The following SZT2 variants were observed in gnomAD, a reference collection of about 807,000 sequenced individuals.
SZT2 encodes the protein SZT2 subunit of KICSTOR complex, also known as KICSTOR complex protein SZT2.
A neutral mutation model predicts 404.2 loss-of-function variants in SZT2; 216 were observed. The observed-to-expected ratio is 0.53, with a 90% CI of 0.48 to 0.60. The LOEUF (loss-of-function observed/expected upper bound fraction) is 0.60, where lower values mean the gene tolerates loss of function less well. Among genes scored for constraint, SZT2 ranks in the 20% least tolerant of loss-of-function variants. The probability of loss-of-function intolerance (pLI) is 0.00; values close to 1 mark genes in which losing one functional copy is unlikely to be tolerated. For missense variants in SZT2, 3,857 were observed against 4,459.2 expected, an observed-to-expected ratio of 0.86 and a Z score of 3.85; for synonymous variants, 1,693 against 1,749.9, an observed-to-expected ratio of 0.97 and a Z score of 0.81.
In SZT2 at chr1:43,424,370, G is replaced by T. The variant is rs180810470; in HGVS notation, c.2409G>T (p.Pro803=). 13 of 1,598,078 alleles carry T rather than the reference G, an allele frequency of 8.1e-6. No homozygotes were observed. The South Asian group carries it at 1.4e-4, about 18-fold the overall frequency. ...ATCAGCGCTGGCTTTGGAGTGTCCC[G>T]TCAGGACTGGCCCCTGCGCTGCCTC... ...LYHQRWLWSV[P]SGLAPALPLS... Residue 803 remains proline (P), a synonymous_variant, in exon 16 of 72, where the codon CCG becomes CCT. Coordinates refer to ENST00000634258, the MANE Select transcript of SZT2 (RefSeq NM_001365999.1). This position sits in a 1 kb window ranked among gnomAD's most constrained non-coding sequence, Gnocchi z 4.1.
intron 59 of SZT2, 49 bp from the exon 60 acceptor site, chr1:43,443,139 G>C: frequency 6.2e-7 from 1 of 1,613,616 alleles, no homozygotes; most frequent in Non-Finnish European, 8.5e-7. Flanking sequence ...AGTCTGGGAG[G>C]AAGGGAGTGA....
rs765361628 is a variant in SZT2, at chr1:43,424,401, G to A, written c.2440G>A (p.Ala814Thr). 1 of 1,597,964 alleles carries A rather than the reference G, an allele frequency of 6.3e-7. No homozygotes were observed. The highest frequency in any genetic ancestry group is 8.5e-7 in the Non-Finnish European group (1 of 1,179,586). Residue 814 changes from alanine (A) to threonine (T), a missense_variant, in exon 16 of 72, where the codon GCC becomes ACC. Transcript: ENST00000634258. The surrounding 1 kb of genome is among the most constrained non-coding windows in gnomAD (Gnocchi z 4.1). Reference sequence around the variant, plus strand: ...ACTGGCCCCTGCGCTGCCTCTCAGTGCCATTGCCCAGCTCCTCTCCATCCT... The same window carrying A: ...ACTGGCCCCTGCGCTGCCTCTCAGTACCATTGCCCAGCTCCTCTCCATCCT... ...SGLAPALPLS[A>T]IAQLLSILTE...
chr1:43,451,536 G>C lies in SZT2; in HGVS notation c.*1056G>C, dbSNP rs1436176772. 6.2e-7 allele frequency: 1 copy of C among 1,614,020 alleles called. No individual in the cohort carries two copies. Among genetic ancestry groups the C allele is most frequent in the East Asian group, 2.2e-5 (1 of 44,860 alleles). On this transcript the variant is annotated 3_prime_UTR_variant, in exon 72 of 72. Transcript: ENST00000634258. ...CCTCGGCCTGGGACCTGTGCCACCT[G>C]CACATGCCCTGGGGACAGATGTGGA...
In SZT2 at chr1:43,425,587, G is replaced by GCCC. The variant is rs1653045845; in HGVS notation, c.2760_2762dup (p.Pro921dup). ...CCACAGTATGGGCGAGTGGGACCTG[G>GCCC]CCCTGGAATCTGGAAGCACCTCCAG... On this transcript the variant is annotated inframe_insertion, in exon 19 of 72. Coordinates refer to ENST00000634258, the MANE Select transcript of SZT2 (RefSeq NM_001365999.1). The surrounding 1 kb of genome is among the most constrained non-coding windows in gnomAD (Gnocchi z 4.3). 1.9e-6 allele frequency: 3 copies of GCCC among 1,614,164 alleles called. No individual in the cohort carries two copies. In the East Asian group the frequency reaches 6.7e-5, roughly 36 times the overall value.
At chr1:43,443,130 G>A (rs1252954476) in intron 59 of SZT2, 44 bp downstream of exon 59, 1 of 1,613,344 alleles carries the variant, frequency 6.2e-7, no homozygotes. Flanking sequence ...AATCTGTGGA[G>A]TCTGGGAGGA....
At position 43,451,844 on chromosome 1, in the gene SZT2, G is replaced by C. The variant is rs555956271; in HGVS notation, c.*1364G>C. 2 of 1,614,044 alleles carry C rather than the reference G, an allele frequency of 1.2e-6. No homozygotes were observed. The highest frequency in any genetic ancestry group is 4.5e-5 in the East Asian group (2 of 44,870). On this transcript the variant is annotated 3_prime_UTR_variant, in exon 72 of 72. Coordinates refer to ENST00000634258, the MANE Select transcript of SZT2 (RefSeq NM_001365999.1). ...TCTTCCTACCTTCTGTAAGATGGCTGCCGCTGTAAGAGAAGCCAGGGAGGG... is the reference window on the plus strand; with the variant it reads ...TCTTCCTACCTTCTGTAAGATGGCTCCCGCTGTAAGAGAAGCCAGGGAGGG...
Position 43,443,787 on chromosome 1 carries a change from C to T in SZT2, c.8816C>T (p.Pro2939Leu). The change falls in exon 62 of 72, where the codon CCC becomes CTC. Residue 2939 changes from proline (P) to leucine (L), a missense_variant. Coordinates refer to ENST00000634258, the MANE Select transcript of SZT2 (RefSeq NM_001365999.1). ...CTGGTACCACTGCGGCCCCCCTCAC[C>T]CGCCCGCAGGTGAGCCCGTCCCTGT... ...FVLVPLRPPS[P>L]ARSTSRPRAM... is the part of the protein sequence containing the mutation. 1 of 1,613,518 alleles carries T rather than the reference C, an allele frequency of 6.2e-7. No homozygotes were observed. Among genetic ancestry groups the T allele is most frequent in the Non-Finnish European group, 8.5e-7 (1 of 1,180,032 alleles).
chr1:43,435,412 CAGAGT>C, intron 42 of SZT2, 83 bp downstream of exon 42: 5 of 1,504,332 alleles, frequency 3.3e-6, no homozygotes, highest in South Asian at 1.2e-5. Flanking sequence ...AAGCTGAGGG[CAGAGT>C]CCTCATTACT....
Position 43,454,062 on chromosome 1 carries a change from G to A in SZT2, c.*3582G>A, listed in dbSNP as rs922870242. 5.3e-6 allele frequency: 6 copies of A among 1,131,188 alleles called. No homozygotes were observed. In the South Asian group the frequency reaches 1.8e-4, roughly 33 times the overall value. 70.1% of individuals were successfully genotyped at this position (1,131,188 alleles called of 1,614,324 possible). A position where few individuals can be genotyped will look rare whatever the true frequency, so the allele number is the denominator to read the frequency against. Reference sequence around the variant, plus strand: ...ACCCGCGCCTGGAGAAGGTAGGGAGGCCGAGCTCCAGGGCCTGAGAGCCGG... The same window carrying A: ...ACCCGCGCCTGGAGAAGGTAGGGAGACCGAGCTCCAGGGCCTGAGAGCCGG... On this transcript the variant is annotated 3_prime_UTR_variant, in exon 72 of 72. Transcript: ENST00000634258.
rs1292173976 is a variant in SZT2 at position 43,453,564 on chromosome 1, G to T, written c.*3084G>T. On this transcript the variant is annotated 3_prime_UTR_variant, in exon 72 of 72. Transcript: ENST00000634258. Reference sequence around the variant, plus strand: ...CCTGCCCGCGCCCCGGCACCCCCCAGCCCTCCCAGCCCTCCCGGCCCGCGA... The same window carrying T: ...CCTGCCCGCGCCCCGGCACCCCCCATCCCTCCCAGCCCTCCCGGCCCGCGA... The T allele has an allele frequency of 1.3e-6, 2 of 1,512,458 alleles. No homozygotes were observed. The highest frequency in any genetic ancestry group is 1.8e-6 in the Non-Finnish European group (2 of 1,126,206). The allele number at this position is 1,512,458 out of a possible 1,614,324, so 93.7% of individuals were successfully genotyped here. A position where few individuals can be genotyped will look rare whatever the true frequency, so the allele number is the denominator to read the frequency against.
At chr1:43,430,875 T>G in intron 32 of SZT2, 74 bp from the exon 33 acceptor site, 1 of 1,583,654 alleles carries the variant, frequency 6.3e-7, no homozygotes, top group South Asian at 1.2e-5. Flanking sequence ...GGGTTATGTC[T>G]TTTAACACAT....
Position 43,454,123 on chromosome 1 carries a change from C to G in SZT2, c.*3643C>G. The G allele has an allele frequency of 1.1e-6, 1 of 887,626 alleles. No homozygotes were observed. Among genetic ancestry groups the G allele is most frequent in the Non-Finnish European group, 1.4e-6 (1 of 720,072 alleles). The allele number at this position is 887,626 out of a possible 1,614,324, so 55.0% of individuals were successfully genotyped here. ...AGAGAGAGCTGGCTGCCCGAGGGCC[C>G]GGTTGCAATGATGGGACGCGCACTT... On this transcript the variant is annotated 3_prime_UTR_variant, in exon 72 of 72. Coordinates refer to ENST00000634258, the MANE Select transcript of SZT2 (RefSeq NM_001365999.1).
chr1:43,403,846 G>A, intron 3 of SZT2, 72 bp downstream of exon 3: 1 of 1,545,140 alleles, frequency 6.5e-7, no homozygotes, highest in South Asian at 1.1e-5. Flanking sequence ...GGCCTGTGGG[G>A]AAGTGAAAAA....
At position 43,423,308 on chromosome 1, in the gene SZT2, G is replaced by A; in HGVS notation, c.2247G>A (p.Leu749=). The A allele has an allele frequency of 1.3e-6, 2 of 1,539,226 alleles. No homozygotes were observed. Among genetic ancestry groups the A allele is most frequent in the Non-Finnish European group, 1.7e-6 (2 of 1,151,606 alleles). The change falls in exon 15 of 72, where the codon CTG becomes CTA. Residue 749 remains leucine (L), a synonymous_variant. Transcript: ENST00000634258. ...TCCTGCATAAGCCACTGGACAAACT[G>A]CTCATCAGGTTGGTACAGAGGTGTG... ...LVVLHKPLDK[L]LIRYEKLPLD...
chr1:43,453,294 C>A lies in SZT2; in HGVS notation c.*2814C>A. ...GCAGAGATAAACCAGTGGGCTCAGA[C>A]TTCTGAGCGTCTCAGATCTGGCGTC... On this transcript the variant is annotated 3_prime_UTR_variant, in exon 72 of 72. Transcript: ENST00000634258. The A allele has an allele frequency of 2.4e-6, 2 of 832,712 alleles. No homozygotes were observed. Among genetic ancestry groups the A allele is most frequent in the South Asian group, 1.7e-5 (1 of 58,754 alleles). 51.6% of individuals were successfully genotyped at this position (832,712 alleles called of 1,614,324 possible). A position where few individuals can be genotyped will look rare whatever the true frequency, so the allele number is the denominator to read the frequency against.
chr1:43,426,697 T>C lies in SZT2; in HGVS notation c.3215-18T>C. On this transcript the variant is annotated intron_variant, in intron 22 of 71. Coordinates refer to ENST00000634258, the MANE Select transcript of SZT2 (RefSeq NM_001365999.1). This position sits in a 1 kb window ranked among gnomAD's most constrained non-coding sequence, Gnocchi z 4.9. The stretch of plus-strand genomic sequence containing the variant: ...TGCTGGCCCTGCCCTCTTTCACCCA[T>C]CTCTACCCCCATTGTAGGTGCCGAG... 1 of 1,592,816 alleles carries C rather than the reference T, an allele frequency of 6.3e-7. No homozygotes were observed. Among genetic ancestry groups the C allele is most frequent in the Non-Finnish European group, 8.6e-7 (1 of 1,168,756 alleles).
chr1:43,451,906 CAGA>C lies in SZT2; in HGVS notation c.*1429_*1431del. On this transcript the variant is annotated 3_prime_UTR_variant, in exon 72 of 72. Coordinates refer to ENST00000634258, the MANE Select transcript of SZT2 (RefSeq NM_001365999.1). ...TCAAGAGCACAGGAATCAAAAGGGA[CAGA>C]AGGAGAGACAGGGCTGGGGTCGTAC... 2 of 1,613,398 alleles carry C rather than the reference CAGA, an allele frequency of 1.2e-6. No homozygotes were observed. Among genetic ancestry groups the C allele is most frequent in the East Asian group, 2.2e-5 (1 of 44,848 alleles).
chr1:43,427,615 G>C lies in SZT2; in HGVS notation c.3684G>C (p.Glu1228Asp). Residue 1228 changes from glutamate (E) to aspartate (D), a missense_variant, in exon 26 of 72, where the codon GAG (glutamate) becomes GAC (aspartate). By Grantham distance (45) the Glu-to-Asp change is conservative (BLOSUM62 2). Around this residue, in one of 7 missense-constraint regions of SZT2, gnomAD observed 1,725 missense variants for 1,881.0 expected, o/e 0.92. Transcript: ENST00000634258. Reference protein sequence around the residue: ...AYAGRQASQTESADGPRTRCP... With the variant: ...AYAGRQASQTDSADGPRTRCP... ...CTGGGCGTCAGGCTTCCCAGACAGA[G>C]AGTGCGGATGGGCCCCGGACCCGGT... is the stretch of plus-strand genomic sequence containing the variant. The C allele has an allele frequency of 6.2e-7, 1 of 1,614,242 alleles. No individual in the cohort carries two copies. Among genetic ancestry groups the C allele is most frequent in the Non-Finnish European group, 8.5e-7 (1 of 1,180,048 alleles).
chr1:43,437,766 G>A lies in SZT2; in HGVS notation c.6397-25G>A. 5 of 1,614,088 alleles carry A rather than the reference G, an allele frequency of 3.1e-6. No individual in the cohort carries two copies. Among genetic ancestry groups the A allele is most frequent in the Non-Finnish European group, 4.2e-6 (5 of 1,179,994 alleles). On this transcript the variant is annotated intron_variant, in intron 45 of 71. Coordinates refer to ENST00000634258, the MANE Select transcript of SZT2 (RefSeq NM_001365999.1). This position sits in a 1 kb window ranked among gnomAD's most constrained non-coding sequence, Gnocchi z 5.3. ...TTGCACTTTGCTCTCTGGAACCGGG[G>A]CCCTGACCACAGTTTTCCCTGTAGG...
Sources: allele counts gnomAD v4.1 joint callset, GRCh38; gene constraint gnomAD v4.1.1; regional missense constraint gnomAD v4.1.1; non-coding constraint Gnocchi (gnomAD v3.1); transcripts MANE v1.5; gene names NCBI Gene and HGNC (gene_info 2026-07-23, HGNC 2026-07-21).